Variants in PTPRD observed in about 807,000 individuals in gnomAD.
The protein encoded by PTPRD is protein tyrosine phosphatase receptor type D.
Under a neutral mutation model 214.5 loss-of-function variants are expected in PTPRD, and 34 were observed. The observed-to-expected ratio is 0.16, with a 90% CI of 0.12 to 0.21. The LOEUF (loss-of-function observed/expected upper bound fraction) is 0.21. Ranked by LOEUF, PTPRD falls within the 10% of genes least tolerant of loss-of-function variation. The pLI, the probability that PTPRD is intolerant of heterozygous loss-of-function variation, is 1.00. For synonymous variants in PTPRD, 1,128 were observed against 845.7 expected, an observed-to-expected ratio of 1.33 and a Z score of -5.79; for missense variants, 2,545 against 2,398.7, an observed-to-expected ratio of 1.06 and a Z score of -1.27.
intron 14 of PTPRD, among the ~76,000 whole-genome samples, chr9:8,532,524 C>T (rs1324808965): frequency 1.3e-5 from 2 of 152,024 alleles, no homozygotes; most frequent in African/African-American, 4.8e-5. Context: ...CAAAAATTAA[C>T]AAATTGTCAA....
intron 9 of PTPRD, among the ~76,000 whole-genome samples, chr9:9,255,050 A>T (rs1479058077): frequency 6.6e-6 from 1 of 152,080 alleles, no homozygotes; most frequent in African/African-American, 2.4e-5. Context: ...AACAAAATAC[A>T]GTTCAGCTAA....
chr9:8,506,243 G>A (rs1173429823), intron 22 of PTPRD, among the ~76,000 whole-genome samples: 1 of 151,988 alleles, frequency 6.6e-6, no homozygotes, highest in Non-Finnish European at 1.5e-5. Flanking sequence ...TTCACTTTGT[G>A]AAGATTTTTT....
rs368483434 is a variant in PTPRD, at chr9:9,576,328, G to T, written c.-286-1547C>A. Among the ~76,000 whole-genome samples, 153 of 152,250 alleles carry T rather than the reference G, an allele frequency of 1.0e-3. 4 individuals carry two copies. The South Asian group carries it at 0.031, about 31-fold the overall frequency. On this transcript the variant is annotated intron_variant, in intron 7 of 45. Transcript: ENST00000381196. Reference sequence around the variant, plus strand: ...AAAATGTTTCTCTTTTTGATGAAATGTTAGAGGAAAACAAAATATCACTAT... The same window carrying T: ...AAAATGTTTCTCTTTTTGATGAAATTTTAGAGGAAAACAAAATATCACTAT...
intron 12 of PTPRD, among the ~76,000 whole-genome samples, chr9:8,641,735 T>C (rs749100523): frequency 7.9e-5 from 12 of 152,218 alleles, no homozygotes; most frequent in Non-Finnish European, 1.6e-4. Context: ...TATTATTTGC[T>C]ACACAGCTCA....
chr9:9,271,286 T>TAA (rs572297302), intron 9 of PTPRD, among the ~76,000 whole-genome samples: 2 of 144,288 alleles, frequency 1.4e-5, no homozygotes, highest in African/African-American at 2.5e-5. Flanking sequence ...TTTCTCATCT[T>TAA]AAAAAAAAAA....
At chr9:10,049,861 G>T (rs1002737557) in intron 3 of PTPRD, among the ~76,000 whole-genome samples, 6 of 152,098 alleles carry the variant, frequency 3.9e-5, no homozygotes, top group African/African-American at 1.4e-4. Context: ...ACCTGACAAG[G>T]GACTTTGGTG....
At chr9:9,253,688 T>A (rs2099976421) in intron 9 of PTPRD, among the ~76,000 whole-genome samples, 1 of 152,108 alleles carries the variant, frequency 6.6e-6, no homozygotes, top group African/African-American at 2.4e-5. Flanking sequence ...GAACTGTAAT[T>A]TTCGTAGTCC....
chr9:9,754,046 G>A (rs1313951965), intron 6 of PTPRD, among the ~76,000 whole-genome samples: 3 of 152,032 alleles, frequency 2.0e-5, no homozygotes, highest in Non-Finnish European at 4.4e-5. Context: ...CAGGCTGGAT[G>A]ATCTGAGGAA....
chr9:10,390,667 T>C (rs1334866860), intron 2 of PTPRD, among the ~76,000 whole-genome samples: 1 of 151,658 alleles, frequency 6.6e-6, no homozygotes, highest in Non-Finnish European at 1.5e-5. Flanking sequence ...CATACTTTTC[T>C]CTTCAAGATG....
chr9:8,342,541 G>A (rs1853464231), intron 39 of PTPRD, among the ~76,000 whole-genome samples: 1 of 152,060 alleles, frequency 6.6e-6, no homozygotes, highest in South Asian at 2.1e-4. Flanking sequence ...GATCATGCGG[G>A]TTTATCAGGC....
intron 11 of PTPRD, among the ~76,000 whole-genome samples, chr9:8,986,464 T>A (rs2099345706): frequency 6.6e-6 from 1 of 151,792 alleles, no homozygotes; most frequent in Non-Finnish European, 1.5e-5. Context: ...ATATATGTCA[T>A]ATTTTTTTCT....
intron 12 of PTPRD, among the ~76,000 whole-genome samples, chr9:8,640,586 T>G (rs145749799): frequency 0.071 from 9,977 of 140,728 alleles, 1,072 homozygotes; most frequent in African/African-American, 0.24. Context: ...CAAAAAAACC[T>G]AAAAGGGCTC....
intron 7 of PTPRD, among the ~76,000 whole-genome samples, chr9:9,613,060 A>T (rs1256686041): frequency 6.8e-6 from 1 of 147,920 alleles, no homozygotes; most frequent in Non-Finnish European, 1.5e-5. Context: ...CGCCTTCTGA[A>T]CAAAGTCTCA....
intron 7 of PTPRD, among the ~76,000 whole-genome samples, chr9:9,623,526 T>A (rs1166839143): frequency 6.6e-6 from 1 of 152,154 alleles, no homozygotes; most frequent in Admixed American, 6.5e-5. Flanking sequence ...AATGAATGAG[T>A]ACCTCATATT....
At chr9:10,173,799 A>T (rs1217123785) in intron 3 of PTPRD, among the ~76,000 whole-genome samples, 2 of 151,668 alleles carry the variant, frequency 1.3e-5, no homozygotes, top group African/African-American at 2.4e-5. Context: ...CTAGATTGAA[A>T]GGTGAATCTC....
intron 3 of PTPRD, among the ~76,000 whole-genome samples, chr9:10,072,776 A>G (rs1214987226): frequency 6.6e-6 from 1 of 152,106 alleles, no homozygotes; most frequent in East Asian, 1.9e-4. Context: ...TTTGGAAGAT[A>G]GTTGTGTAGT....
At chr9:9,395,938 A>G (rs2067635194) in intron 9 of PTPRD, among the ~76,000 whole-genome samples, 1 of 152,098 alleles carries the variant, frequency 6.6e-6, no homozygotes, top group African/African-American at 2.4e-5. Context: ...GCCTTTGAAT[A>G]GATTGCAGTA....
At chr9:9,964,824 G>A (rs567735861) in intron 4 of PTPRD, among the ~76,000 whole-genome samples, 69 of 152,136 alleles carry the variant, frequency 4.5e-4, no homozygotes, top group African/African-American at 1.5e-3. Flanking sequence ...GGATAAATAC[G>A]GAATTTGTAT....
At chr9:9,346,824 C>G (rs1181443917) in intron 9 of PTPRD, among the ~76,000 whole-genome samples, 1 of 152,076 alleles carries the variant, frequency 6.6e-6, no homozygotes, top group African/African-American at 2.4e-5. Context: ...TCTCAAGTAG[C>G]TGGGATTACA....
Sources: allele counts gnomAD v4.1 joint callset (sites outside exome capture counted in the v4.1 genomes callset), GRCh38; gene constraint gnomAD v4.1.1; transcripts MANE v1.5; gene names NCBI Gene and HGNC (gene_info 2026-07-23, HGNC 2026-07-21).